The following SPTBN1 variants were observed in gnomAD, a reference collection of about 807,000 sequenced individuals.
The protein encoded by SPTBN1 is spectrin beta chain, non-erythrocytic 1.
In SPTBN1, 32 loss-of-function variants were observed where a neutral mutation model predicts 266.4. The ratio of observed to expected loss-of-function variants is 0.12; its 90% CI spans 0.09 to 0.16. The LOEUF is 0.16. Among genes scored for constraint, SPTBN1 ranks in the 10% least tolerant of loss-of-function variants. The probability of loss-of-function intolerance (pLI) is 1.00; values close to 1 mark genes in which losing one functional copy is unlikely to be tolerated. For synonymous variants in SPTBN1, 1,336 were observed against 1,162.2 expected (o/e 1.15, Z -3.04); for missense variants, 2,296 against 3,067.1 (o/e 0.75, Z 5.94).
At chr2:54,660,963 A>G (rs1681000822) in intron 32 of SPTBN1, 2 of 985,392 alleles carry the variant, frequency 2.0e-6, no homozygotes, top group Non-Finnish European at 2.4e-6. Context: ...TTAATTTTTC[A>G]AACAAATGGA....
At chr2:54,508,677 G>C (rs1669704869) in intron 1 of SPTBN1, among the ~76,000 whole-genome samples, 1 of 152,144 alleles carries the variant, frequency 6.6e-6, no homozygotes, top group Non-Finnish European at 1.5e-5. Context: ...AAGTTTCAGC[G>C]AGGGAGTAGG....
intron 11 of SPTBN1, among the ~76,000 whole-genome samples, chr2:54,625,179 A>G (rs1429895997): frequency 2.6e-5 from 4 of 152,220 alleles, no homozygotes; most frequent in African/African-American, 9.6e-5. Context: ...AAGCAGCTCA[A>G]GCAGAGTTTG....
At chr2:54,599,005 T>C (rs1017169984) in intron 2 of SPTBN1, 87 bp from the exon 3 acceptor site, 286 of 1,509,322 alleles carry the variant, frequency 1.9e-4, no homozygotes, top group Non-Finnish European at 2.3e-4. Flanking sequence ...GACCTTCCTC[T>C]GGCTGGGGTC....
rs1458292464 is a variant in SPTBN1, at chr2:54,653,984, G to A, written c.5822+131G>A. 56 of 1,371,236 alleles carry A rather than the reference G, an allele frequency of 4.1e-5. No individual in the cohort carries two copies. The highest frequency in any genetic ancestry group is 2.8e-4 in the South Asian group (19 of 67,950). The allele number at this position is 1,371,236 out of a possible 1,614,324, so 84.9% of individuals were successfully genotyped here. On this transcript the variant is annotated intron_variant, in intron 27 of 35. Coordinates refer to ENST00000356805, the MANE Select transcript of SPTBN1 (RefSeq NM_003128.3). The surrounding 1 kb of genome is among the most constrained non-coding windows in gnomAD (Gnocchi z 5.1). ...TTCAAGGCCAGAGTGGGGGTGGGGC[G>A]GTGCTTGGAGTGCGGCACCACTGCT...
rs375252991 is a variant in SPTBN1, at chr2:54,646,184, C to T, written c.4585-10C>T. ...AGCAAGCCTTTGTGTGTATTTTCCG[C>T]TCCCTCCAGACCCTCCAGAAAGAAA... is the stretch of plus-strand genomic sequence containing the variant. On this transcript the variant is annotated splice_polypyrimidine_tract_variant and intron_variant, in intron 22 of 35. Transcript: ENST00000356805. The surrounding 1 kb of genome is among the most constrained non-coding windows in gnomAD (Gnocchi z 4.4). 5.0e-6 allele frequency: 8 copies of T among 1,598,142 alleles called. No homozygotes were observed. The highest frequency in any genetic ancestry group is 4.5e-5 in the South Asian group (4 of 89,464).
chr2:54,612,477 G>T (rs771868687), intron 4 of SPTBN1, 143 bp downstream of exon 4: 2 of 971,480 alleles, frequency 2.1e-6, no homozygotes, highest in Non-Finnish European at 2.9e-6. Context: ...GTCATATCCA[G>T]CCCTCAGAAT....
intron 2 of SPTBN1, among the ~76,000 whole-genome samples, chr2:54,571,233 C>G (rs920639734): frequency 3.9e-5 from 6 of 151,984 alleles, no homozygotes; most frequent in African/African-American, 1.5e-4. Flanking sequence ...ATTTCAGAAA[C>G]AAGGGTGGTG....
intron 2 of SPTBN1, among the ~76,000 whole-genome samples, chr2:54,591,840 A>G (rs527767395): frequency 2.6e-4 from 39 of 152,212 alleles, no homozygotes; most frequent in Non-Finnish European, 5.0e-4. Context: ...ACGCTAACAC[A>G]GTGTTCATTT....
In SPTBN1 at chr2:54,646,914, G is replaced by T. The variant is rs1679961300; in HGVS notation, c.4867-217G>T. Among the ~76,000 whole-genome samples, 1 of 152,196 alleles carries T rather than the reference G, an allele frequency of 6.6e-6. No individual in the cohort carries two copies. The highest frequency in any genetic ancestry group is 1.5e-5 in the Non-Finnish European group (1 of 68,038). On this transcript the variant is annotated intron_variant, in intron 23 of 35. Coordinates refer to ENST00000356805, the MANE Select transcript of SPTBN1 (RefSeq NM_003128.3). The surrounding 1 kb of genome is among the most constrained non-coding windows in gnomAD (Gnocchi z 4.4). Reference sequence around the variant, plus strand: ...CTCTGAGAGGGGCCCTGCTCATTCTGCGTTCTCCTTGTGTTTATCTTCTGC... The same window carrying T: ...CTCTGAGAGGGGCCCTGCTCATTCTTCGTTCTCCTTGTGTTTATCTTCTGC...
At chr2:54,576,055 C>CTTTTTTTTTTT (rs71408771) in intron 2 of SPTBN1, among the ~76,000 whole-genome samples, 1 of 18,734 alleles carries the variant, frequency 5.3e-5, no homozygotes, top group African/African-American at 2.6e-4. Flanking sequence ...TCAGATCCAG[C>CTTTTTTTTTTT]TTTTTTTTTT....
rs569527408 is a variant in SPTBN1, at chr2:54,493,612, G to T, written c.-47-32760G>T. ...AGACAAGGTTTTGACATGTTGGCCCGGCTAGTCTTGAACTCCTTGCCTCAA... is the reference window on the plus strand; with the variant it reads ...AGACAAGGTTTTGACATGTTGGCCCTGCTAGTCTTGAACTCCTTGCCTCAA... On this transcript the variant is annotated intron_variant, in intron 1 of 35. Coordinates refer to ENST00000356805, the MANE Select transcript of SPTBN1 (RefSeq NM_003128.3). Among the ~76,000 whole-genome samples, 5 of 152,158 alleles carry T rather than the reference G, an allele frequency of 3.3e-5. No homozygotes were observed. In the South Asian group the frequency reaches 1.0e-3, roughly 32 times the overall value.
In SPTBN1 at chr2:54,611,121, T is replaced by C. The variant is rs1227274708; in HGVS notation, c.301-1040T>C. Among the ~76,000 whole-genome samples, 3 of 152,360 alleles carry C rather than the reference T, an allele frequency of 2.0e-5. No individual in the cohort carries two copies. In the East Asian group the frequency reaches 5.8e-4, roughly 29 times the overall value. ...TGATAATTTTTAATTTTATGACAGA[T>C]TTGTATATATTTTGCGGTAGTAAAT... On this transcript the variant is annotated intron_variant, in intron 3 of 35. Coordinates refer to ENST00000356805, the MANE Select transcript of SPTBN1 (RefSeq NM_003128.3).
rs1678693569 is a variant in SPTBN1 at position 54,630,994 on chromosome 2, G to C, written c.2947G>C (p.Asp983His). 6.2e-7 allele frequency: 1 copy of C among 1,614,146 alleles called. No individual in the cohort carries two copies. Among genetic ancestry groups the C allele is most frequent in the South Asian group, 1.1e-5 (1 of 91,082 alleles). Residue 983 changes from aspartate to histidine, a missense_variant, in exon 16 of 36, where the codon GAC becomes CAC. Coordinates refer to ENST00000356805, the MANE Select transcript of SPTBN1 (RefSeq NM_003128.3). ...GACCAAGGTCATCGAGTCCACCCAG[G>C]ACCTGGGCAATGACCTGGCTGGCGT... ...EKTKVIESTQDLGNDLAGVMA... is the reference protein window; with the variant it reads ...EKTKVIESTQHLGNDLAGVMA...
rs1285169500 is a variant in SPTBN1 at position 54,626,222 on chromosome 2, G to A, written c.1632G>A (p.Met544Ile). The change falls in exon 12 of 36, where the codon ATG becomes ATA. Residue 544 changes from methionine to isoleucine, a missense_variant. By Grantham distance (10) the Met-to-Ile change is conservative. Around this residue, in one of 12 missense-constraint regions of SPTBN1, gnomAD observed 434 missense variants for 573.9 expected, o/e 0.76. Transcript: ENST00000356805. This position sits in a 1 kb window ranked among gnomAD's most constrained non-coding sequence, Gnocchi z 4.7. Reference sequence around the variant, plus strand: ...AAATGCTCTACATTATGGACTGGATGGATGAAATGAAGGTAAAACCTGACC... The same window carrying A: ...AAATGCTCTACATTATGGACTGGATAGATGAAATGAAGGTAAAACCTGACC... ...FQEMLYIMDW[M>I]DEMKVLVLSQ... is the part of the protein sequence containing the mutation. 6.2e-7 allele frequency: 1 copy of A among 1,613,144 alleles called. No homozygotes were observed. The highest frequency in any genetic ancestry group is 8.5e-7 in the Non-Finnish European group (1 of 1,179,282).
At chr2:54,604,670 GT>G (rs1411199327) in intron 3 of SPTBN1, among the ~76,000 whole-genome samples, 4 of 152,160 alleles carry the variant, frequency 2.6e-5, no homozygotes, top group African/African-American at 9.7e-5. Flanking sequence ...AGCCCCTTAA[GT>G]TTCCTCTCCT....
At chr2:54,621,789 C>G (rs141317531) in intron 8 of SPTBN1, among the ~76,000 whole-genome samples, 35 of 152,262 alleles carry the variant, frequency 2.3e-4, no homozygotes, top group Middle Eastern at 3.4e-3. Flanking sequence ...ATCGAGTTGC[C>G]TAATGTCATG....
At chr2:54,665,171 G>C (rs1681290528) in intron 33 of SPTBN1, among the ~76,000 whole-genome samples, 1 of 152,162 alleles carries the variant, frequency 6.6e-6, no homozygotes, top group Non-Finnish European at 1.5e-5. Context: ...TGGAAACCTA[G>C]TAAATGGCAA....
rs1681278980 is a variant in SPTBN1, at chr2:54,664,975, T to A, written c.6659+284T>A. The A allele has an allele frequency of 2.6e-6, 1 of 380,496 alleles. No homozygotes were observed. The highest frequency in any genetic ancestry group is 4.8e-6 in the Non-Finnish European group (1 of 207,688). The allele number at this position is 380,496 out of a possible 1,614,324, so 23.6% of individuals were successfully genotyped here. ...TAGATTGAGACTGAAGAGTCTTCTT[T>A]ACTTTAAGTGATTGATTTCATTTAG... On this transcript the variant is annotated intron_variant, in intron 33 of 35. Coordinates refer to ENST00000356805, the MANE Select transcript of SPTBN1 (RefSeq NM_003128.3). The surrounding 1 kb of genome is among the most constrained non-coding windows in gnomAD (Gnocchi z 5.6).
At chr2:54,529,852 CAAAAAAAAAAAAA>C (rs61316795) in intron 2 of SPTBN1, 84 of 62,200 alleles carry the variant, frequency 1.4e-3, no homozygotes, top group South Asian at 2.2e-3. Context: ...CTCTTTTCAC[CAAAAAAAAAAAAA>C]AAAAAAAAAA....
Sources: gnomAD v4.1 joint callset for allele counts (sites outside exome capture counted in the v4.1 genomes callset) on GRCh38, gnomAD v4.1.1 for gene constraint, gnomAD v4.1.1 regional missense constraint, Gnocchi (gnomAD v3.1) non-coding constraint, MANE v1.5 for transcripts, NCBI Gene and HGNC (gene_info 2026-07-23, HGNC 2026-07-21) for gene names.